Variants in PTPRN2 observed in about 807,000 individuals in gnomAD.
PTPRN2 encodes receptor-type tyrosine-protein phosphatase N2.
Under a neutral mutation model 118.8 loss-of-function variants are expected in PTPRN2, and 74 were observed. The observed-to-expected ratio is 0.62, with a 90% CI of 0.52 to 0.76. PTPRN2 has a LOEUF of 0.76. Ranked by LOEUF, PTPRN2 falls within the 30% of genes least tolerant of loss-of-function variation. The probability of loss-of-function intolerance (pLI) is 0.00; values close to 1 mark genes in which losing one functional copy is unlikely to be tolerated. For synonymous variants in PTPRN2, 641 were observed against 608.0 expected (o/e 1.05, Z -0.80); for missense variants, 1,481 against 1,394.4 (o/e 1.06, Z -0.99).
intron 11 of PTPRN2, among the ~76,000 whole-genome samples, chr7:158,073,813 G>A (rs537019931): frequency 4.6e-5 from 7 of 152,320 alleles, no homozygotes; most frequent in Admixed American, 3.3e-4. Context: ...TGGCAGCCTC[G>A]CATCATGGAA....
intron 5 of PTPRN2, among the ~76,000 whole-genome samples, chr7:158,168,249 G>A (rs891231153): frequency 6.6e-6 from 1 of 152,206 alleles, no homozygotes; most frequent in South Asian, 2.1e-4. Flanking sequence ...AGTATGTCCT[G>A]CACCTGGAGC....
At chr7:158,275,656 T>A (rs187787009) in intron 3 of PTPRN2, among the ~76,000 whole-genome samples, 1 of 152,336 alleles carries the variant, frequency 6.6e-6, no homozygotes, top group Non-Finnish European at 1.5e-5. Context: ...TAATCGCAAG[T>A]AATTTTTGTT....
intron 1 of PTPRN2, among the ~76,000 whole-genome samples, chr7:158,579,305 A>C (rs1184066812): frequency 6.6e-6 from 1 of 152,224 alleles, no homozygotes; most frequent in African/African-American, 2.4e-5. Flanking sequence ...GGATTTTCTA[A>C]AGTAATATTG....
chr7:158,083,503 G>A (rs563756923), intron 10 of PTPRN2, among the ~76,000 whole-genome samples: 2 of 152,278 alleles, frequency 1.3e-5, no homozygotes, highest in Admixed American at 6.5e-5. Context: ...CGTGCTGAAA[G>A]TTTTCTCTAA....
Position 158,557,927 on chromosome 7 carries a change from C to T in PTPRN2, c.112+29631G>A, listed in dbSNP as rs949211405. 2.6e-5 allele frequency among the ~76,000 whole-genome samples: 4 copies of T among 152,214 alleles called. No homozygotes were observed. The East Asian group carries it at 7.7e-4, about 29-fold the overall frequency. On this transcript the variant is annotated intron_variant, in intron 1 of 22. Coordinates refer to ENST00000389418, the MANE Select transcript of PTPRN2 (RefSeq NM_002847.5). Reference sequence around the variant, plus strand: ...ATAAAGCTCTCCTGGTAAGGCACCTCGCCATCTTCCCAGCAGTAGCTATTG... The same window carrying T: ...ATAAAGCTCTCCTGGTAAGGCACCTTGCCATCTTCCCAGCAGTAGCTATTG...
rs955837407 is a variant in PTPRN2, at chr7:157,790,214, C to T, written c.1789-107277G>A. Among the ~76,000 whole-genome samples, 11 of 69,180 alleles carry T rather than the reference C, an allele frequency of 1.6e-4. No homozygotes were observed. In the East Asian group the frequency reaches 3.8e-3, roughly 24 times the overall value. The allele number at this position is 69,180 out of a possible 152,430, so 45.4% of individuals were successfully genotyped here. On this transcript the variant is annotated intron_variant, in intron 12 of 22. Coordinates refer to ENST00000389418, the MANE Select transcript of PTPRN2 (RefSeq NM_002847.5). The stretch of plus-strand genomic sequence containing the variant: ...GTGTGTGTGGTGCGTGGGGTGGTGA[C>T]GTGTGTGTATGGTGGTGTGTGTGTG...
chr7:158,417,214 TACA>T (rs926411759), intron 2 of PTPRN2, among the ~76,000 whole-genome samples: 4 of 152,154 alleles, frequency 2.6e-5, no homozygotes, highest in East Asian at 1.9e-4. Flanking sequence ...CACAGTGCAC[TACA>T]ACAAGATGCT....
chr7:157,755,042 C>T lies in PTPRN2; in HGVS notation c.1789-72105G>A, dbSNP rs372073123. Among the ~76,000 whole-genome samples the T allele has an allele frequency of 1.6e-4, 24 of 152,242 alleles. 1 individual carries two copies. Among genetic ancestry groups the T allele is most frequent in the South Asian group, 6.2e-4 (3 of 4,828 alleles). The stretch of plus-strand genomic sequence containing the variant: ...CTGGGACTATGGGTGTGCGCTGCCA[C>T]GCCCGGCTAATTTTTATAATTTTTG... On this transcript the variant is annotated intron_variant, in intron 12 of 22. Coordinates refer to ENST00000389418, the MANE Select transcript of PTPRN2 (RefSeq NM_002847.5).
chr7:158,337,207 G>A (rs956826510), intron 2 of PTPRN2, among the ~76,000 whole-genome samples: 1 of 152,062 alleles, frequency 6.6e-6, no homozygotes, highest in African/African-American at 2.4e-5. Flanking sequence ...CATAAGAGGT[G>A]ACACTTGCAG....
rs1439882712 is a variant in PTPRN2, at chr7:158,547,563, C to T, written c.112+39995G>A. Among the ~76,000 whole-genome samples, 7 of 152,160 alleles carry T rather than the reference C, an allele frequency of 4.6e-5. 1 individual carries two copies. The highest frequency in any genetic ancestry group is 1.4e-4 in the African/African-American group (6 of 41,430). On this transcript the variant is annotated intron_variant, in intron 1 of 22. Coordinates refer to ENST00000389418, the MANE Select transcript of PTPRN2 (RefSeq NM_002847.5). ...CTGTCGCAGAGGTCAGGGCTCTTTG[C>T]GTCTATTTTTAAATAAAACACCAGC...
intron 4 of PTPRN2, among the ~76,000 whole-genome samples, chr7:158,200,129 C>T (rs763024150): frequency 1.3e-5 from 2 of 152,166 alleles, no homozygotes; most frequent in Admixed American, 6.5e-5. Flanking sequence ...CTATAACTCG[C>T]CCTCCGACCT....
chr7:157,963,145 G>A (rs1209305315), intron 11 of PTPRN2, among the ~76,000 whole-genome samples: 1 of 152,256 alleles, frequency 6.6e-6, no homozygotes, highest in Non-Finnish European at 1.5e-5. Flanking sequence ...GTGCAAGTCA[G>A]ATGCAAGCCT....
chr7:158,156,491 C>T (rs1209934644), intron 6 of PTPRN2, among the ~76,000 whole-genome samples: 1 of 152,158 alleles, frequency 6.6e-6, no homozygotes, highest in East Asian at 1.9e-4. Context: ...TCGGAGCTGC[C>T]CACATTCGCT....
In PTPRN2 at chr7:157,787,498, C is replaced by T. The variant is rs1563108528; in HGVS notation, c.1789-104561G>A. 6.6e-6 allele frequency among the ~76,000 whole-genome samples: 1 copy of T among 152,088 alleles called. No homozygotes were observed. Among genetic ancestry groups the T allele is most frequent in the Non-Finnish European group, 1.5e-5 (1 of 67,986 alleles). The stretch of plus-strand genomic sequence containing the variant: ...AGTGGGCAGGGCGGGCAGGGGGCTT[C>T]CCCACAGTCTAGGGGGCCAGGAGAG... On this transcript the variant is annotated intron_variant, in intron 12 of 22. Transcript: ENST00000389418. This position sits in a 1 kb window ranked among gnomAD's most constrained non-coding sequence, Gnocchi z 5.3.
intron 13 of PTPRN2, among the ~76,000 whole-genome samples, chr7:157,657,927 GACACACCACACAC>G (rs1795672737): frequency 4.4e-5 from 3 of 68,280 alleles, no homozygotes; most frequent in Admixed American, 3.3e-4. Context: ...ACACATCGCA[GACACACCACACAC>G]ACACACCACA....
chr7:158,357,799 G>T (rs186665575), intron 2 of PTPRN2, among the ~76,000 whole-genome samples: 3 of 152,214 alleles, frequency 2.0e-5, no homozygotes, highest in Non-Finnish European at 4.4e-5. Context: ...GGCGCATTGC[G>T]TCCAGCAGGG....
intron 11 of PTPRN2, among the ~76,000 whole-genome samples, chr7:158,043,016 G>A (rs1035625082): frequency 6.6e-6 from 1 of 152,150 alleles, no homozygotes; most frequent in East Asian, 1.9e-4. Flanking sequence ...CCAAGACAGA[G>A]ACCAAAAAAA....
intron 1 of PTPRN2, among the ~76,000 whole-genome samples, chr7:158,583,722 C>G: frequency 6.6e-6 from 1 of 152,202 alleles, no homozygotes; most frequent in African/African-American, 2.4e-5. Context: ...GGTTACAACA[C>G]ACCCCATTCC....
chr7:157,683,332 G>C (rs1406920177), intron 12 of PTPRN2, among the ~76,000 whole-genome samples: 1 of 152,272 alleles, frequency 6.6e-6, no homozygotes. Context: ...GGGAGGCCAG[G>C]CTTGGCGGTG....
Sources: allele counts gnomAD v4.1 joint callset (sites outside exome capture counted in the v4.1 genomes callset), GRCh38; gene constraint gnomAD v4.1.1; non-coding constraint Gnocchi (gnomAD v3.1); transcripts MANE v1.5; gene names NCBI Gene and HGNC (gene_info 2026-07-23, HGNC 2026-07-21).